The following PLCB1 variants were observed in gnomAD, a reference collection of about 807,000 sequenced individuals.
The protein encoded by PLCB1 is 1-phosphatidylinositol 4,5-bisphosphate phosphodiesterase beta-1.
In PLCB1, 46 loss-of-function variants were observed where a neutral mutation model predicts 161.8. The ratio of observed to expected loss-of-function variants is 0.28; its 90% CI spans 0.22 to 0.36. PLCB1 has a LOEUF of 0.36. Ranked by LOEUF, PLCB1 falls within the 10% of genes least tolerant of loss-of-function variation. PLCB1 has a pLI of 1.00. For synonymous variants in PLCB1, 517 were observed against 503.7 expected (o/e 1.03, Z -0.35); for missense variants, 1,016 against 1,472.5 (o/e 0.69, Z 5.07).
At chr20:8,773,393 A>G (rs1982789835) in intron 26 of PLCB1, among the ~76,000 whole-genome samples, 1 of 152,244 alleles carries the variant, frequency 6.6e-6, no homozygotes, top group Non-Finnish European at 1.5e-5. Flanking sequence ...TACAGGTGAT[A>G]ATACAGAGTA....
At chr20:8,859,110 A>G (rs6140774) in intron 31 of PLCB1, among the ~76,000 whole-genome samples, 24,893 of 152,060 alleles carry the variant, frequency 0.16, 2,087 homozygotes, top group South Asian at 0.24. Context: ...CCTCTTCCTC[A>G]AGGTTTCCGC....
At chr20:8,823,267 C>T (rs1428934396) in intron 31 of PLCB1, among the ~76,000 whole-genome samples, 5 of 152,310 alleles carry the variant, frequency 3.3e-5, no homozygotes, top group Admixed American at 3.3e-4. Context: ...AGATTACAGG[C>T]ATGCGCCACT....
chr20:8,660,361 A>G (rs558163651), intron 9 of PLCB1, among the ~76,000 whole-genome samples: 3 of 152,214 alleles, frequency 2.0e-5, no homozygotes, highest in Admixed American at 1.3e-4. Flanking sequence ...CTAAAATCCA[A>G]ACTTCTCCAA....
chr20:8,141,300 A>G (rs1429531220), intron 1 of PLCB1, among the ~76,000 whole-genome samples: 2 of 152,116 alleles, frequency 1.3e-5, no homozygotes, highest in Admixed American at 1.3e-4. Context: ...AAGATGTGTG[A>G]GCATTGGAAA....
intron 3 of PLCB1, among the ~76,000 whole-genome samples, chr20:8,545,157 C>A (rs967771909): frequency 6.6e-6 from 1 of 152,166 alleles, no homozygotes; most frequent in Admixed American, 6.5e-5. Flanking sequence ...ACTTGTCTCT[C>A]GGAAACCTTC....
At chr20:8,564,146 T>A (rs937656403) in intron 3 of PLCB1, among the ~76,000 whole-genome samples, 1 of 151,934 alleles carries the variant, frequency 6.6e-6, no homozygotes, top group Non-Finnish European at 1.5e-5. Context: ...CCAAAACAGA[T>A]ATATAGACCA....
At chr20:8,480,881 A>T (rs889036902) in intron 3 of PLCB1, among the ~76,000 whole-genome samples, 3 of 148,800 alleles carry the variant, frequency 2.0e-5, no homozygotes, top group Non-Finnish European at 3.0e-5. Flanking sequence ...AGGCGGGCTG[A>T]TCACCTGAGC....
At chr20:8,517,853 A>G in intron 3 of PLCB1, among the ~76,000 whole-genome samples, 1 of 152,208 alleles carries the variant, frequency 6.6e-6, no homozygotes, top group Non-Finnish European at 1.5e-5. Flanking sequence ...CAATGATGTC[A>G]TCAGTCAGAG....
At chr20:8,778,306 C>A (rs564676057) in intron 27 of PLCB1, among the ~76,000 whole-genome samples, 1 of 152,188 alleles carries the variant, frequency 6.6e-6, no homozygotes. Flanking sequence ...GGAATAGGGG[C>A]CGAAGTCACA....
At chr20:8,476,285 C>T (rs1982276090) in intron 3 of PLCB1, among the ~76,000 whole-genome samples, 1 of 152,174 alleles carries the variant, frequency 6.6e-6, no homozygotes, top group Non-Finnish European at 1.5e-5. Flanking sequence ...AGATCAGTCA[C>T]TTCCTTCTTG....
intron 3 of PLCB1, among the ~76,000 whole-genome samples, chr20:8,447,593 A>G (rs1775768034): frequency 6.6e-6 from 1 of 152,210 alleles, no homozygotes; most frequent in South Asian, 2.1e-4. Context: ...AAGATTGTCC[A>G]AGAGGAGAGA....
At chr20:8,273,598 G>T (rs190942082) in intron 2 of PLCB1, among the ~76,000 whole-genome samples, 1 of 152,020 alleles carries the variant, frequency 6.6e-6, no homozygotes, top group African/African-American at 2.4e-5. Context: ...ACCTAACCCC[G>T]CTGGCTGAAC....
intron 3 of PLCB1, among the ~76,000 whole-genome samples, chr20:8,456,721 T>A (rs953746345): frequency 5.3e-5 from 8 of 152,188 alleles, no homozygotes; most frequent in African/African-American, 1.9e-4. Flanking sequence ...TTCTCATAGT[T>A]CTAGAGGCTG....
At chr20:8,377,849 G>T (rs1039069638) in intron 3 of PLCB1, among the ~76,000 whole-genome samples, 8 of 152,160 alleles carry the variant, frequency 5.3e-5, no homozygotes, top group Non-Finnish European at 8.8e-5. Context: ...ACCTGATAAT[G>T]TCAGGACAGT....
chr20:8,391,785 GTATATATATATA>G (rs374178427), intron 3 of PLCB1, among the ~76,000 whole-genome samples: 1,478 of 115,160 alleles, frequency 0.013, 32 homozygotes, highest in African/African-American at 0.04. Context: ...ATATGTGTGT[GTATATATATATA>G]TATATATATA....
intron 31 of PLCB1, among the ~76,000 whole-genome samples, chr20:8,806,353 G>C (rs941335439): frequency 1.3e-5 from 2 of 152,026 alleles, no homozygotes; most frequent in South Asian, 4.1e-4. Context: ...AGATAATTTT[G>C]AGTCAACCTT....
intron 2 of PLCB1, among the ~76,000 whole-genome samples, chr20:8,337,474 T>G (rs1345123683): frequency 6.6e-6 from 1 of 152,238 alleles, no homozygotes. Context: ...ATTTAGTCTT[T>G]TAAATAGACA....
intron 31 of PLCB1, among the ~76,000 whole-genome samples, chr20:8,807,064 C>T (rs1484749839): frequency 2.6e-5 from 4 of 152,230 alleles, no homozygotes; most frequent in African/African-American, 4.8e-5. Context: ...TCTTTAAATG[C>T]GGAGACAAAG....
At chr20:8,699,785 C>T (rs76549594) in intron 11 of PLCB1, among the ~76,000 whole-genome samples, 4 of 152,266 alleles carry the variant, frequency 2.6e-5, no homozygotes, top group African/African-American at 4.8e-5. Flanking sequence ...CTAAGGAATA[C>T]GACTTTTCAT....
Sources: allele counts gnomAD v4.1 joint callset (sites outside exome capture counted in the v4.1 genomes callset), GRCh38; gene constraint gnomAD v4.1.1; transcripts MANE v1.5; gene names NCBI Gene and HGNC (gene_info 2026-07-23, HGNC 2026-07-21).